Variants in ARHGEF38 observed in about 807,000 individuals in gnomAD.
The protein encoded by ARHGEF38 is Rho guanine nucleotide exchange factor 38.
ARHGEF38 carries 79 observed loss-of-function variants against 79.9 expected under a neutral mutation model. The observed-to-expected ratio is 0.99, with a 90% CI of 0.82 to 1.19. The LOEUF is 1.19. Among genes scored for constraint, ARHGEF38 ranks in the 50% most tolerant of loss-of-function variants. ARHGEF38 has a pLI of 0.00. For synonymous variants in ARHGEF38, 366 were observed against 328.3 expected (o/e 1.11, Z -1.24); for missense variants, 962 against 907.2 (o/e 1.06, Z -0.78).
chr4:105,672,280 A>G (rs1730981490), intron 13 of ARHGEF38, among the ~76,000 whole-genome samples: 2 of 152,162 alleles, frequency 1.3e-5, no homozygotes, highest in Admixed American at 1.3e-4. Flanking sequence ...TTTATCTAAA[A>G]TGTTAGAAAT....
chr4:105,605,633 C>T (rs1188938236), intron 2 of ARHGEF38, among the ~76,000 whole-genome samples: 1 of 152,146 alleles, frequency 6.6e-6, no homozygotes, highest in Non-Finnish European at 1.5e-5. Flanking sequence ...AATCCAGTTT[C>T]ACAGCAGGAA....
Position 105,655,634 on chromosome 4 carries a change from T to G in ARHGEF38, c.1145T>G (p.Met382Arg). ...ATGCCCCTGGCTCTGCAGAGTGTGA[T>G]GGACCTTCAGGAGATTTCATACAAC... ...DAMPLALQSV[M>R]DLQEISYNKD... is the part of the protein sequence containing the mutation. Residue 382 changes from methionine (M) to arginine (R), a missense_variant, in exon 9 of 14, where the codon ATG becomes AGG. Physicochemically the swap from Met to Arg is moderately conservative, Grantham distance 91. Transcript: ENST00000420470. 1 of 1,536,094 alleles carries G rather than the reference T, an allele frequency of 6.5e-7. No homozygotes were observed. Among genetic ancestry groups the G allele is most frequent in the Non-Finnish European group, 8.7e-7 (1 of 1,146,748 alleles).
chr4:105,588,770 T>A (rs1433353427), intron 1 of ARHGEF38, among the ~76,000 whole-genome samples: 1 of 152,198 alleles, frequency 6.6e-6, no homozygotes, highest in African/African-American at 2.4e-5. Context: ...AATCATGCAA[T>A]TGTTTTCCAT....
intron 1 of ARHGEF38, among the ~76,000 whole-genome samples, chr4:105,566,364 A>G (rs1012998126): frequency 6.6e-6 from 1 of 152,178 alleles, no homozygotes; most frequent in Non-Finnish European, 1.5e-5. Context: ...CTATGCTTGC[A>G]TGGGTCACAG....
At chr4:105,623,429 C>T (rs553939105) in intron 3 of ARHGEF38, among the ~76,000 whole-genome samples, 22 of 152,228 alleles carry the variant, frequency 1.4e-4, no homozygotes, top group African/African-American at 4.3e-4. Flanking sequence ...TATTTACTAA[C>T]GTGAGTTAAA....
chr4:105,681,031 T>G (rs1731293281), downstream of ARHGEF38: 1 of 152,126 alleles, frequency 6.6e-6, no homozygotes, highest in Admixed American at 6.5e-5. Context: ...TGGATATGTA[T>G]TTTTTGGTTT....
chr4:105,672,565 A>G (rs1730990821), intron 13 of ARHGEF38, among the ~76,000 whole-genome samples: 1 of 152,234 alleles, frequency 6.6e-6, no homozygotes. Context: ...TGTCCATCAA[A>G]TAGTAATGGC....
chr4:105,588,629 C>T (rs1727169551), intron 1 of ARHGEF38, among the ~76,000 whole-genome samples: 1 of 152,118 alleles, frequency 6.6e-6, no homozygotes, highest in African/African-American at 2.4e-5. Context: ...TTCGACAGTT[C>T]AAGAATTTTG....
At chr4:105,586,245 A>G (rs1195208753) in intron 1 of ARHGEF38, among the ~76,000 whole-genome samples, 1 of 150,314 alleles carries the variant, frequency 6.7e-6, no homozygotes, top group Non-Finnish European at 1.5e-5. Context: ...AAATGCAAAC[A>G]TAGAAAGTGT....
At chr4:105,649,088 T>C (rs1284030666) in intron 7 of ARHGEF38, among the ~76,000 whole-genome samples, 1 of 152,126 alleles carries the variant, frequency 6.6e-6, no homozygotes, top group Non-Finnish European at 1.5e-5. Context: ...TTCTTTAGGG[T>C]TCCCTTGATA....
Position 105,552,882 on chromosome 4 carries a change from G to C in ARHGEF38, c.117G>C (p.Glu39Asp). The change falls in exon 1 of 14, where the codon GAG becomes GAC. Residue 39 changes from glutamate to aspartate, a missense_variant. Glu to Asp is a conservative substitution (Grantham distance 45, BLOSUM62 2). Coordinates refer to ENST00000420470, the MANE Select transcript of ARHGEF38 (RefSeq NM_001242729.2). ...LERRKTDTVV[E>D]SSVSGDHSGT... ...GAAGGAAGACTGACACTGTGGTTGA[G>C]AGCAGTGTTTCTGGGGACCACTCTG... 6.2e-7 allele frequency: 1 copy of C among 1,613,972 alleles called. No homozygotes were observed. Among genetic ancestry groups the C allele is most frequent in the Non-Finnish European group, 8.5e-7 (1 of 1,179,868 alleles).
At chr4:105,659,408 G>T in intron 10 of ARHGEF38, 43 bp downstream of exon 10, 4 of 1,499,872 alleles carry the variant, frequency 2.7e-6, no homozygotes, top group Non-Finnish European at 3.6e-6. Flanking sequence ...TTGGCCTACT[G>T]GATCTGCTAG....
At chr4:105,645,139 T>C (rs1306330238) in intron 5 of ARHGEF38, 49 bp from the exon 6 acceptor site, 1 of 1,210,834 alleles carries the variant, frequency 8.3e-7, no homozygotes, top group Non-Finnish European at 1.1e-6. Flanking sequence ...TGAAAATGTG[T>C]TAATAAAACA....
chr4:105,653,894 G>A (rs1035098623), intron 7 of ARHGEF38, among the ~76,000 whole-genome samples, 171 bp from the exon 8 acceptor site: 5 of 152,216 alleles, frequency 3.3e-5, no homozygotes, highest in Non-Finnish European at 5.9e-5. Flanking sequence ...AGCATCAGTT[G>A]TGTTATGTAC....
Position 105,645,345 on chromosome 4 carries a change from A to C in ARHGEF38, c.832A>C (p.Ile278Leu), listed in dbSNP as rs1235681407. ...LDDAFAAVKD[I>L]NVNINELKRR... is the part of the protein sequence containing the mutation. ...CGATGCCTTTGCTGCTGTGAAGGAC[A>C]TTAATGTTAACATCAATGAACTTAA... Residue 278 changes from isoleucine (I) to leucine (L), a missense_variant, in exon 6 of 14, where the codon ATT becomes CTT. Transcript: ENST00000420470. 2.0e-6 allele frequency: 3 copies of C among 1,530,466 alleles called. No individual in the cohort carries two copies. In the South Asian group the frequency reaches 3.6e-5, roughly 19 times the overall value. The allele number at this position is 1,530,466 out of a possible 1,614,324, so 94.8% of individuals were successfully genotyped here. A position where few individuals can be genotyped will look rare whatever the true frequency, so the allele number is the denominator to read the frequency against.
At chr4:105,648,123 C>T (rs1446529460) in intron 6 of ARHGEF38, among the ~76,000 whole-genome samples, 1 of 151,944 alleles carries the variant, frequency 6.6e-6, no homozygotes, top group Non-Finnish European at 1.5e-5. Flanking sequence ...CTCGTGACCT[C>T]ATGATCCGCC....
intron 10 of ARHGEF38, among the ~76,000 whole-genome samples, chr4:105,664,134 C>T (rs1381719790): frequency 6.6e-6 from 1 of 152,176 alleles, no homozygotes; most frequent in Non-Finnish European, 1.5e-5. Flanking sequence ...AGATCCTGCT[C>T]TCAATTATTT....
intron 1 of ARHGEF38, among the ~76,000 whole-genome samples, chr4:105,557,460 C>A (rs776682202): frequency 3.9e-5 from 6 of 151,962 alleles, no homozygotes; most frequent in Non-Finnish European, 7.4e-5. Flanking sequence ...AGTATGGGTA[C>A]TATGGACTGA....
intron 1 of ARHGEF38, among the ~76,000 whole-genome samples, chr4:105,562,557 A>C (rs2110403824): frequency 6.6e-6 from 1 of 152,330 alleles, no homozygotes; most frequent in Admixed American, 6.5e-5. Flanking sequence ...AGAAGAGACT[A>C]GAAAGAGTTT....
Sources: allele counts gnomAD v4.1 joint callset (sites outside exome capture counted in the v4.1 genomes callset), GRCh38; gene constraint gnomAD v4.1.1; transcripts MANE v1.5; gene names NCBI Gene and HGNC (gene_info 2026-07-23, HGNC 2026-07-21).